Variants in RNF135 observed in about 807,000 individuals in gnomAD.
RNF135 encodes ring finger protein 135, also known as E3 ubiquitin-protein ligase RNF135.
RNF135 carries 46 observed loss-of-function variants against 41.9 expected under a neutral mutation model. The observed-to-expected ratio is 1.10, with a 90% CI of 0.87 to 1.40. RNF135 has a LOEUF of 1.40. Among genes scored for constraint, RNF135 ranks in the 40% most tolerant of loss-of-function variants. The pLI, the probability that RNF135 is intolerant of heterozygous loss-of-function variation, is 0.00. For synonymous variants in RNF135, 238 were observed against 223.8 expected, an observed-to-expected ratio of 1.06 and a Z score of -0.57; for missense variants, 539 against 549.8, an observed-to-expected ratio of 0.98 and a Z score of 0.20.
chr17:30,980,054 CCGGA>C (rs1906943454), intron 1 of RNF135: 1 of 135,420 alleles, frequency 7.4e-6, no homozygotes. Context: ...CACCTCCCTC[CCGGA>C]CTGGGCGGCT....
intron 1 of RNF135, among the ~76,000 whole-genome samples, chr17:30,979,674 C>A (rs1598085155): frequency 1.5e-5 from 2 of 136,864 alleles, no homozygotes. Context: ...ATCCCCCCCA[C>A]CTCCCTCCCG....
At chr17:30,972,020 GACC>G in intron 1 of RNF135, 1 of 152,884 alleles carries the variant, frequency 6.5e-6, no homozygotes. Context: ...TCAAACTCTT[GACC>G]ACAGATGATC....
intron 1 of RNF135, among the ~76,000 whole-genome samples, chr17:30,980,760 C>G (rs933919088): frequency 3.1e-5 from 4 of 131,118 alleles, no homozygotes; most frequent in African/African-American, 8.8e-5. Context: ...ACATCTCAGA[C>G]GATGGGCGGC....
At chr17:30,983,406 T>G (rs1008755374) in intron 1 of RNF135, among the ~76,000 whole-genome samples, 4 of 138,804 alleles carry the variant, frequency 2.9e-5, no homozygotes, top group Non-Finnish European at 6.2e-5. Flanking sequence ...CAGGCTTGAA[T>G]GCAGTGGCAT....
chr17:30,997,488 C>G, intron 4 of RNF135, 157 bp downstream of exon 4: 1 of 714,290 alleles, frequency 1.4e-6, no homozygotes, highest in Non-Finnish European at 2.6e-6. Flanking sequence ...ATTGCAAAGG[C>G]AAAGCAGGTT....
At chr17:30,967,674 G>A (rs922853984), upstream of RNF135, among the ~76,000 whole-genome samples, 1 of 151,340 alleles carries the variant, frequency 6.6e-6, no homozygotes, top group African/African-American at 2.4e-5. Flanking sequence ...GGAAATACAA[G>A]TTCAGAAAGA....
chr17:30,981,596 T>C (rs1404731665), intron 1 of RNF135, among the ~76,000 whole-genome samples: 1 of 152,248 alleles, frequency 6.6e-6, no homozygotes, highest in African/African-American at 2.4e-5. Context: ...TTTTCCTGAA[T>C]GGTCTTGATG....
Position 30,999,368 on chromosome 17 carries a change from C to T in RNF135, c.*177C>T. On this transcript the variant is annotated 3_prime_UTR_variant, in exon 5 of 5. Coordinates refer to ENST00000328381, the MANE Select transcript of RNF135 (RefSeq NM_032322.4). ...GTCTCAAGCAGTCCTCCCACCTCAGCCTCCCAAGGTGCTGGGATTACAGGT... is the reference window on the plus strand; with the variant it reads ...GTCTCAAGCAGTCCTCCCACCTCAGTCTCCCAAGGTGCTGGGATTACAGGT... 1.5e-6 allele frequency: 1 copy of T among 675,128 alleles called. No homozygotes were observed. Among genetic ancestry groups the T allele is most frequent in the Non-Finnish European group, 2.6e-6 (1 of 388,584 alleles). 41.8% of individuals were successfully genotyped at this position (675,128 alleles called of 1,614,324 possible).
At chr17:30,966,393 ATTATTTT>A (rs1449139311), upstream of RNF135, among the ~76,000 whole-genome samples, 6 of 125,892 alleles carry the variant, frequency 4.8e-5, no homozygotes, top group African/African-American at 3.0e-4. Flanking sequence ...GTTTTATTTT[ATTATTTT>A]TTTATTTTAT....
chr17:30,971,422 CG>C lies in RNF135; in HGVS notation c.351del (p.Arg118AlafsTer10). 1.3e-6 allele frequency: 2 copies of C among 1,515,412 alleles called. No individual in the cohort carries two copies. The highest frequency in any genetic ancestry group is 2.9e-5 in the African/African-American group (2 of 69,670). The allele number at this position is 1,515,412 out of a possible 1,614,324, so 93.9% of individuals were successfully genotyped here. A position where few individuals can be genotyped will look rare whatever the true frequency, so the allele number is the denominator to read the frequency against. On this transcript the variant is annotated frameshift_variant, in exon 1 of 5. Transcript: ENST00000328381. LOFTEE classifies it high-confidence loss of function. ...CCTCTCCAGCGCGGCCGCGAGGCCCCGGCGCCGCCCGGAACTGCAGCGGGTA... is the reference window on the plus strand; with the variant it reads ...CCTCTCCAGCGCGGCCGCGAGGCCCCGCGCCGCCCGGAACTGCAGCGGGTA... ...SSLSSAAARPRRRPELQRVAV... is the reference protein window; with the variant it reads ...SSLSSAAARPXRRPELQRVAV...
At chr17:30,992,007 C>G (rs1434862948) in intron 3 of RNF135, among the ~76,000 whole-genome samples, 1 of 150,468 alleles carries the variant, frequency 6.6e-6, no homozygotes, top group Non-Finnish European at 1.5e-5. Context: ...ATCTGGCTCA[C>G]TGTAATATCT....
In RNF135 at chr17:30,993,935, C is replaced by T. The variant is rs867417251; in HGVS notation, c.680-3307C>T. ...CTTCCTTCCTAAGACTCCCAAGTAG[C>T]TGGGACTACAGGCATGTGCCACCAC... On this transcript the variant is annotated intron_variant, in intron 3 of 4. Coordinates refer to ENST00000328381, the MANE Select transcript of RNF135 (RefSeq NM_032322.4). The T allele has an allele frequency of 9.6e-5, 56 of 582,478 alleles. 1 individual carries two copies. The African/African-American group carries it at 1.0e-3, about 11-fold the overall frequency. 36.1% of individuals were successfully genotyped at this position (582,478 alleles called of 1,614,324 possible).
chr17:30,999,739 C>T lies in RNF135; in HGVS notation c.*548C>T, dbSNP rs1330453812. The T allele has an allele frequency of 6.2e-6, 1 of 160,546 alleles. No individual in the cohort carries two copies. Among genetic ancestry groups the T allele is most frequent in the African/African-American group, 2.4e-5 (1 of 41,518 alleles). 9.9% of individuals were successfully genotyped at this position (160,546 alleles called of 1,614,324 possible). A position where few individuals can be genotyped will look rare whatever the true frequency, so the allele number is the denominator to read the frequency against. ...CTACTCTGGTTGGTAATACTCTGTGCACACATCATTGTAGCCACACATCAT... is the reference window on the plus strand; with the variant it reads ...CTACTCTGGTTGGTAATACTCTGTGTACACATCATTGTAGCCACACATCAT... On this transcript the variant is annotated 3_prime_UTR_variant, in exon 5 of 5. Transcript: ENST00000328381.
At chr17:30,990,112 C>A (rs1332110116) in intron 3 of RNF135, among the ~76,000 whole-genome samples, 1 of 151,832 alleles carries the variant, frequency 6.6e-6, no homozygotes, top group African/African-American at 2.4e-5. Flanking sequence ...GAGAAAGAAG[C>A]ACCTTTGTAT....
chr17:30,998,531 TAGCA>T, intron 4 of RNF135, 127 bp from the exon 5 acceptor site: 1 of 866,950 alleles, frequency 1.2e-6, no homozygotes, highest in Non-Finnish European at 1.9e-6. Flanking sequence ...TTGGGTGATG[TAGCA>T]ATTTTAATGC....
intron 1 of RNF135, among the ~76,000 whole-genome samples, chr17:30,974,668 T>A (rs1236030465): frequency 6.6e-6 from 1 of 150,416 alleles, no homozygotes; most frequent in Non-Finnish European, 1.5e-5. Flanking sequence ...TTATTCCTTT[T>A]TATTATTATT....
chr17:30,972,370 C>T (rs1392813609), intron 1 of RNF135: 1 of 152,160 alleles, frequency 6.6e-6, no homozygotes, highest in Non-Finnish European at 1.5e-5. Context: ...GCCTCGGCTT[C>T]CTAAAGTGCT....
In RNF135 at chr17:30,971,430, C is replaced by T; in HGVS notation, c.357C>T (p.Arg119=). 2.6e-6 allele frequency: 4 copies of T among 1,514,648 alleles called. No homozygotes were observed. The highest frequency in any genetic ancestry group is 3.5e-6 in the Non-Finnish European group (4 of 1,138,842). 93.8% of individuals were successfully genotyped at this position (1,514,648 alleles called of 1,614,324 possible). Residue 119 remains arginine (R), a synonymous_variant, in exon 1 of 5, where the codon CGC becomes CGT. Transcript: ENST00000328381. ...LSSAAARPRR[R]PELQRVAVEK... ...GCGCGGCCGCGAGGCCCCGGCGCCG[C>T]CCGGAACTGCAGCGGGTAGGGAGGC...
At position 30,971,212 on chromosome 17, in the gene RNF135, G is replaced by A. The variant is rs1905883587; in HGVS notation, c.139G>A (p.Ala47Thr). The A allele has an allele frequency of 6.6e-7, 1 of 1,513,896 alleles. No homozygotes were observed. Among genetic ancestry groups the A allele is most frequent in the Non-Finnish European group, 8.8e-7 (1 of 1,138,336 alleles). The allele number at this position is 1,513,896 out of a possible 1,614,324, so 93.8% of individuals were successfully genotyped here. A position where few individuals can be genotyped will look rare whatever the true frequency, so the allele number is the denominator to read the frequency against. The change falls in exon 1 of 5, where the codon GCC becomes ACC. Residue 47 changes from alanine to threonine, a missense_variant. Physicochemically the swap from Ala to Thr is moderately conservative, Grantham distance 58 (BLOSUM62 0). Around this residue, in one of 2 missense-constraint regions of RNF135, gnomAD observed 277 missense variants for 212.8 expected, o/e 1.30. Transcript: ENST00000328381. ...GHSFCRHCLE[A>T]LWGARDARRW... ...CAGCTTCTGCCGCCACTGCCTGGAG[G>A]CCCTGTGGGGCGCCCGCGACGCCCG...
Sources: gnomAD v4.1 joint callset for allele counts (sites outside exome capture counted in the v4.1 genomes callset) on GRCh38, gnomAD v4.1.1 for gene constraint, gnomAD v4.1.1 regional missense constraint, MANE v1.5 for transcripts, NCBI Gene and HGNC (gene_info 2026-07-23, HGNC 2026-07-21) for gene names.